Variants in CCDC175 observed in about 807,000 individuals in gnomAD.
The protein encoded by CCDC175 is coiled-coil domain containing 175.
CCDC175 carries 100 observed loss-of-function variants against 114.6 expected under a neutral mutation model. The ratio of observed to expected loss-of-function variants is 0.87; its 90% CI spans 0.74 to 1.03. The LOEUF is 1.03. CCDC175 is among the 50% of genes least tolerant of loss of function. CCDC175 has a pLI of 0.00. For synonymous variants in CCDC175, 306 were observed against 308.7 expected (o/e 0.99, Z 0.09); for missense variants, 880 against 917.8 (o/e 0.96, Z 0.53).
At chr14:59,555,955 G>A (rs532806173) in intron 7 of CCDC175, among the ~76,000 whole-genome samples, 452 of 152,146 alleles carry the variant, frequency 3.0e-3, no homozygotes, top group African/African-American at 0.01. Context: ...ACTGCTCAAC[G>A]AAATAAAAGA....
intron 19 of CCDC175, among the ~76,000 whole-genome samples, chr14:59,506,545 C>A (rs1009835711): frequency 2.0e-5 from 3 of 152,082 alleles, no homozygotes; most frequent in Non-Finnish European, 4.4e-5. Context: ...ACCTCAGCCT[C>A]CCAAAGTACT....
intron 16 of CCDC175, among the ~76,000 whole-genome samples, chr14:59,521,965 A>G (rs996697729): frequency 3.3e-5 from 5 of 152,248 alleles, no homozygotes; most frequent in Non-Finnish European, 5.9e-5. Flanking sequence ...TCTGAATGCA[A>G]TATGTCCACA....
At chr14:59,548,952 G>A (rs1194613597) in intron 8 of CCDC175, among the ~76,000 whole-genome samples, 1 of 152,166 alleles carries the variant, frequency 6.6e-6, no homozygotes, top group Non-Finnish European at 1.5e-5. Context: ...ATGTGGGGTG[G>A]TATCCTACAG....
At chr14:59,532,659 G>A (rs1344134398) in intron 13 of CCDC175, among the ~76,000 whole-genome samples, 3 of 152,142 alleles carry the variant, frequency 2.0e-5, no homozygotes, top group Non-Finnish European at 2.9e-5. Flanking sequence ...CTCTGCTCCT[G>A]CAACAGGAAC....
chr14:59,531,016 G>A (rs1894039679), intron 14 of CCDC175, among the ~76,000 whole-genome samples: 2 of 151,914 alleles, frequency 1.3e-5, no homozygotes, highest in South Asian at 4.2e-4. Context: ...ATGATTCTGG[G>A]CCAGGCACAG....
At chr14:59,568,462 C>T (rs1401562902) in intron 3 of CCDC175, 82 bp from the exon 4 acceptor site, 2 of 1,079,120 alleles carry the variant, frequency 1.9e-6, no homozygotes, top group Non-Finnish European at 2.5e-6. Context: ...AAAAAGCTTT[C>T]TTTGAAATAT....
chr14:59,548,362 C>A (rs918510108), intron 8 of CCDC175, among the ~76,000 whole-genome samples: 1 of 152,126 alleles, frequency 6.6e-6, no homozygotes, highest in Non-Finnish European at 1.5e-5. Context: ...GAATGTTCCT[C>A]CAATAACTCA....
intron 8 of CCDC175, among the ~76,000 whole-genome samples, chr14:59,546,261 A>T (rs560030862): frequency 6.6e-6 from 1 of 152,334 alleles, no homozygotes; most frequent in East Asian, 1.9e-4. Flanking sequence ...TAGGAGCTAA[A>T]TATTAGGTAT....
intron 5 of CCDC175, among the ~76,000 whole-genome samples, chr14:59,564,187 G>A (rs144706114): frequency 3.3e-5 from 5 of 152,108 alleles, no homozygotes; most frequent in Admixed American, 6.6e-5. Context: ...CCACAGCAGT[G>A]GTGACCGGAT....
At chr14:59,508,861 C>T (rs752788683) in intron 19 of CCDC175, among the ~76,000 whole-genome samples, 23 of 152,208 alleles carry the variant, frequency 1.5e-4, no homozygotes, top group South Asian at 4.1e-4. Flanking sequence ...TTCCCAGCCT[C>T]CAGAACTGTG....
intron 17 of CCDC175, 36 bp from the exon 18 acceptor site, chr14:59,511,839 A>T: frequency 7.3e-7 from 1 of 1,369,700 alleles, no homozygotes; most frequent in Non-Finnish European, 1.0e-6. Flanking sequence ...ATGGTTACTG[A>T]CACAATCTGA....
intron 13 of CCDC175, among the ~76,000 whole-genome samples, chr14:59,535,287 T>G (rs896390084): frequency 2.6e-5 from 4 of 152,122 alleles, no homozygotes; most frequent in Admixed American, 1.3e-4. Context: ...GAGGCTTGTG[T>G]GTAGTGGTTT....
intron 19 of CCDC175, 59 bp from the exon 20 acceptor site, chr14:59,505,374 TATTA>T (rs1566587037): frequency 1.1e-6 from 1 of 900,614 alleles, no homozygotes; most frequent in Non-Finnish European, 1.6e-6. Context: ...TTTGGGGGGT[TATTA>T]GTGTTCATTA....
chr14:59,523,833 C>G (rs1893569760), intron 16 of CCDC175, among the ~76,000 whole-genome samples: 1 of 151,842 alleles, frequency 6.6e-6, no homozygotes, highest in Admixed American at 6.6e-5. Context: ...ACTAAAAATA[C>G]AAAAAATTAG....
At chr14:59,551,826 G>GCGCATGGCTCAGAGGATCCCA (rs1227780854) in intron 7 of CCDC175, among the ~76,000 whole-genome samples, 12 of 152,144 alleles carry the variant, frequency 7.9e-5, no homozygotes, top group Admixed American at 3.3e-4. Flanking sequence ...ATTATATCCC[G>GCGCATGGCTCAGAGGATCCCA]CGCATGGCTC....
chr14:59,528,453 T>C (rs2139998737), intron 14 of CCDC175, among the ~76,000 whole-genome samples: 1 of 152,270 alleles, frequency 6.6e-6, no homozygotes, highest in African/African-American at 2.4e-5. Flanking sequence ...AAAACATGAA[T>C]ATATGGCTAT....
At chr14:59,562,867 A>G (rs1896301385) in intron 6 of CCDC175, among the ~76,000 whole-genome samples, 1 of 152,162 alleles carries the variant, frequency 6.6e-6, no homozygotes, top group African/African-American at 2.4e-5. Flanking sequence ...TTAAAAACAG[A>G]TAATAATTTT....
At chr14:59,564,306 TAAACAAAA>T in intron 5 of CCDC175, 2 of 152,762 alleles carry the variant, frequency 1.3e-5, no homozygotes. Context: ...AAACACAGAG[TAAACAAAA>T]TCATCAAAGA....
At chr14:59,549,575 C>T (rs1895327951) in intron 8 of CCDC175, among the ~76,000 whole-genome samples, 2 of 151,580 alleles carry the variant, frequency 1.3e-5, no homozygotes. Flanking sequence ...CAAAAATTAG[C>T]CAGGTGTCAT....
Sources: allele counts gnomAD v4.1 joint callset (sites outside exome capture counted in the v4.1 genomes callset), GRCh38; gene constraint gnomAD v4.1.1; transcripts MANE v1.5; gene names NCBI Gene and HGNC (gene_info 2026-07-23, HGNC 2026-07-21).